Variants in ARHGEF16 observed in about 807,000 individuals in gnomAD.
The protein encoded by ARHGEF16 is Rho guanine exchange factor (GEF) 16.
Under a neutral mutation model 74.1 loss-of-function variants are expected in ARHGEF16, and 59 were observed. The observed-to-expected ratio is 0.80, with a 90% CI of 0.65 to 0.99. The LOEUF (loss-of-function observed/expected upper bound fraction) is 0.99, where lower values mean the gene tolerates loss of function less well. ARHGEF16 is among the 50% of genes least tolerant of loss of function. The pLI, the probability that ARHGEF16 is intolerant of heterozygous loss-of-function variation, is 0.00. For synonymous variants in ARHGEF16, 415 were observed against 412.6 expected, an observed-to-expected ratio of 1.01 and a Z score of -0.07; for missense variants, 948 against 986.6, an observed-to-expected ratio of 0.96 and a Z score of 0.52.
At chr1:3,456,783 G>A (rs1046593015) in intron 1 of ARHGEF16, among the ~76,000 whole-genome samples, 3 of 152,238 alleles carry the variant, frequency 2.0e-5, no homozygotes, top group African/African-American at 7.2e-5. Flanking sequence ...GGGGAACCCC[G>A]TGAGTGGCAG....
intron 4 of ARHGEF16, among the ~76,000 whole-genome samples, chr1:3,467,998 C>T (rs1397971984): frequency 1.3e-5 from 2 of 152,164 alleles, no homozygotes; most frequent in Non-Finnish European, 2.9e-5. Flanking sequence ...ACCCACCACA[C>T]ACCATGGTGC....
chr1:3,478,996 T>G (rs1197424782), intron 12 of ARHGEF16, among the ~76,000 whole-genome samples: 1 of 152,168 alleles, frequency 6.6e-6, no homozygotes, highest in Non-Finnish European at 1.5e-5. Context: ...AGGGCACAGC[T>G]GCAGGTGGAC....
At chr1:3,466,047 C>A in intron 2 of ARHGEF16, 101 bp from the exon 3 acceptor site, 2 of 1,309,622 alleles carry the variant, frequency 1.5e-6, no homozygotes, top group Non-Finnish European at 2.1e-6. Flanking sequence ...CACAGCTTCG[C>A]ATGTGGAGCC....
intron 14 of ARHGEF16, 41 bp downstream of exon 14, chr1:3,479,954 C>A (rs1349565959): frequency 6.3e-7 from 1 of 1,595,492 alleles, no homozygotes; most frequent in Non-Finnish European, 8.6e-7. Context: ...TGGGAACGGA[C>A]AGGCGGGCGT....
At chr1:3,469,678 C>A (rs1394327710) in intron 6 of ARHGEF16, 85 bp downstream of exon 6, 8 of 1,535,136 alleles carry the variant, frequency 5.2e-6, no homozygotes, top group East Asian at 4.5e-5. Flanking sequence ...CATCAGCAGG[C>A]CCCTGGGAGC....
rs574277820 is a variant in ARHGEF16, at chr1:3,466,018, G to A, written c.589-130G>A. 662 of 1,006,586 alleles carry A rather than the reference G, an allele frequency of 6.6e-4. 4 individuals carry two copies. The highest frequency in any genetic ancestry group is 5.5e-4 in the Non-Finnish European group (375 of 677,156). The allele number at this position is 1,006,586 out of a possible 1,614,324, so 62.4% of individuals were successfully genotyped here. On this transcript the variant is annotated intron_variant, in intron 2 of 14. Transcript: ENST00000378378. ...CTGCTTGGCGGCCGTGAGGCCCTGT[G>A]GAGCTGACATCTATTGGGCACAGCT...
intron 12 of ARHGEF16, among the ~76,000 whole-genome samples, chr1:3,478,860 C>CA (rs1639973160): frequency 6.7e-6 from 1 of 149,272 alleles, no homozygotes; most frequent in Non-Finnish European, 1.5e-5. Context: ...AGGGAGGAAA[C>CA]GAGGTGGGGG....
chr1:3,468,727 C>T, intron 4 of ARHGEF16, 153 bp from the exon 5 acceptor site: 5 of 779,526 alleles, frequency 6.4e-6, no homozygotes, highest in Non-Finnish European at 8.7e-6. Context: ...AGGCCCTCGG[C>T]AGGACAGGCC....
intron 1 of ARHGEF16, among the ~76,000 whole-genome samples, chr1:3,456,722 T>C (rs1569829236): frequency 6.6e-6 from 1 of 152,250 alleles, no homozygotes; most frequent in East Asian, 1.9e-4. Context: ...GCAGGAGACC[T>C]GTCACCCACA....
At chr1:3,458,255 C>A (rs1377651167) in intron 1 of ARHGEF16, among the ~76,000 whole-genome samples, 1 of 152,162 alleles carries the variant, frequency 6.6e-6, no homozygotes, top group Non-Finnish European at 1.5e-5. Context: ...GCCTGCGGCT[C>A]CCTCTGCCCT....
chr1:3,458,471 TCA>T (rs1323176992), intron 1 of ARHGEF16, among the ~76,000 whole-genome samples: 6 of 152,106 alleles, frequency 3.9e-5, no homozygotes, highest in African/African-American at 9.7e-5. Flanking sequence ...GACCAGCATC[TCA>T]GTGAGGAAAT....
intron 14 of ARHGEF16, 113 bp from the exon 15 acceptor site, chr1:3,480,335 G>A (rs1640020992): frequency 2.1e-6 from 3 of 1,441,354 alleles, no homozygotes; most frequent in Non-Finnish European, 2.8e-6. Flanking sequence ...GCAGGAGCAG[G>A]TGGTCAGTTC....
chr1:3,462,093 T>G, intron 1 of ARHGEF16, among the ~76,000 whole-genome samples: 1 of 138,972 alleles, frequency 7.2e-6, no homozygotes, highest in Non-Finnish European at 1.6e-5. Context: ...CGGGCAGGAG[T>G]GTGGCGGGGG....
chr1:3,470,301 G>T (rs1295273564), intron 6 of ARHGEF16, among the ~76,000 whole-genome samples: 1 of 150,912 alleles, frequency 6.6e-6, no homozygotes, highest in Non-Finnish European at 1.5e-5. Flanking sequence ...CATGGGCAGG[G>T]GTGTCTGCAC....
intron 12 of ARHGEF16, among the ~76,000 whole-genome samples, 184 bp from the exon 13 acceptor site, chr1:3,479,331 CTG>C (rs1326067483): frequency 2.6e-5 from 4 of 152,088 alleles, no homozygotes; most frequent in Admixed American, 6.5e-5. Flanking sequence ...CTACCCAACT[CTG>C]TGACCTGGGG....
intron 4 of ARHGEF16, 174 bp from the exon 5 acceptor site, chr1:3,468,706 G>A: frequency 2.9e-6 from 2 of 685,428 alleles, no homozygotes; most frequent in East Asian, 2.8e-5. Flanking sequence ...AGAGAGGAAG[G>A]TGACGGGGAT....
At chr1:3,469,000 G>C in intron 5 of ARHGEF16, 64 bp downstream of exon 5, 1 of 1,538,172 alleles carries the variant, frequency 6.5e-7, no homozygotes, top group Non-Finnish European at 8.8e-7. Context: ...CCCGGGGAGG[G>C]GCAGCAGCCA....
chr1:3,470,058 A>T (rs1255368827), intron 6 of ARHGEF16, among the ~76,000 whole-genome samples: 1 of 152,150 alleles, frequency 6.6e-6, no homozygotes, highest in African/African-American at 2.4e-5. Flanking sequence ...GAGGCTGGAC[A>T]TGCAGCTGCA....
rs74050513 is a variant in ARHGEF16 at position 3,468,662 on chromosome 1, G to T, written c.805-218G>T. The stretch of plus-strand genomic sequence containing the variant: ...GCTGCTTTGGGGCTCTGGCGGCTGG[G>T]GGGAGCGGGGGGCTGACCCAAGGCG... On this transcript the variant is annotated intron_variant, in intron 4 of 14. Coordinates refer to ENST00000378378, the MANE Select transcript of ARHGEF16 (RefSeq NM_014448.4). The T allele has an allele frequency of 3.5e-3, 2,013 of 583,242 alleles. 27 individuals carry two copies. The highest frequency in any genetic ancestry group is 0.033 in the African/African-American group (1,788 of 53,490). 36.1% of individuals were successfully genotyped at this position (583,242 alleles called of 1,614,324 possible). A position where few individuals can be genotyped will look rare whatever the true frequency, so the allele number is the denominator to read the frequency against.
Sources: gnomAD v4.1 joint callset for allele counts (sites outside exome capture counted in the v4.1 genomes callset) on GRCh38, gnomAD v4.1.1 for gene constraint, MANE v1.5 for transcripts, NCBI Gene and HGNC (gene_info 2026-07-23, HGNC 2026-07-21) for gene names.